Variants in NTN1 observed in about 807,000 individuals in gnomAD.
The protein encoded by NTN1 is netrin 1.
NTN1 carries 11 observed loss-of-function variants against 54.2 expected under a neutral mutation model. The ratio of observed to expected loss-of-function variants is 0.20; its 90% CI spans 0.13 to 0.34. NTN1 has a LOEUF of 0.34. Among genes scored for constraint, NTN1 ranks in the 10% least tolerant of loss-of-function variants. The probability of loss-of-function intolerance (pLI) is 1.00; values close to 1 mark genes in which losing one functional copy is unlikely to be tolerated. For synonymous variants in NTN1, 371 were observed against 382.0 expected, an observed-to-expected ratio of 0.97 and a Z score of 0.33; for missense variants, 740 against 893.1, an observed-to-expected ratio of 0.83 and a Z score of 2.18.
chr17:9,158,171 G>T (rs2092348524), intron 2 of NTN1, among the ~76,000 whole-genome samples: 1 of 152,334 alleles, frequency 6.6e-6, no homozygotes, highest in South Asian at 2.1e-4. Flanking sequence ...GGGGAGGGAA[G>T]GGAGCCCTGC....
At chr17:9,064,863 A>G (rs931015548) in intron 2 of NTN1, among the ~76,000 whole-genome samples, 1 of 152,122 alleles carries the variant, frequency 6.6e-6, no homozygotes, top group Non-Finnish European at 1.5e-5. Context: ...GGCTCAAGCA[A>G]TCCTCCCACC....
At chr17:9,238,705 A>G in intron 6 of NTN1, among the ~76,000 whole-genome samples, 1 of 152,248 alleles carries the variant, frequency 6.6e-6, no homozygotes, top group Non-Finnish European at 1.5e-5. Context: ...CTAGTATTTC[A>G]CAAACTTACT....
At chr17:9,205,513 G>A (rs894754768) in intron 5 of NTN1, among the ~76,000 whole-genome samples, 1 of 152,258 alleles carries the variant, frequency 6.6e-6, no homozygotes, top group African/African-American at 2.4e-5. Flanking sequence ...TGTAGTCCTA[G>A]CTACGTGGGA....
chr17:9,070,185 CTCTT>C (rs1479602646), intron 2 of NTN1, among the ~76,000 whole-genome samples: 3 of 152,260 alleles, frequency 2.0e-5, no homozygotes, highest in East Asian at 1.9e-4. Flanking sequence ...GACTCAGTTT[CTCTT>C]TCTGTCTATT....
At chr17:9,034,466 A>C (rs1220854482) in intron 2 of NTN1, among the ~76,000 whole-genome samples, 8 of 146,120 alleles carry the variant, frequency 5.5e-5, no homozygotes, top group Admixed American at 2.8e-4. Context: ...TCTGTCACCC[A>C]GGCTGGAGTG....
At chr17:9,183,233 C>G (rs777247970) in intron 5 of NTN1, 19 of 675,110 alleles carry the variant, frequency 2.8e-5, no homozygotes, top group South Asian at 6.0e-5. Flanking sequence ...TGAGCTCCTT[C>G]TACTTGTCCA....
intron 6 of NTN1, among the ~76,000 whole-genome samples, chr17:9,222,395 C>T (rs904535976): frequency 6.6e-6 from 1 of 152,250 alleles, no homozygotes; most frequent in Non-Finnish European, 1.5e-5. Context: ...GCTCAGCTTC[C>T]CAAGGCTGTC....
chr17:9,144,511 C>A (rs1351648722), intron 2 of NTN1, among the ~76,000 whole-genome samples: 1 of 152,192 alleles, frequency 6.6e-6, no homozygotes, highest in East Asian at 1.9e-4. Flanking sequence ...CCCTTTGTCA[C>A]CTCCAAGTTG....
chr17:9,152,866 G>A (rs910540514), intron 2 of NTN1, among the ~76,000 whole-genome samples: 61 of 152,308 alleles, frequency 4.0e-4, no homozygotes, highest in African/African-American at 1.3e-3. Flanking sequence ...GGGGAGTCGC[G>A]GAGCCGGAGC....
chr17:9,209,245 G>T (rs1905039770), intron 5 of NTN1, among the ~76,000 whole-genome samples: 1 of 152,232 alleles, frequency 6.6e-6, no homozygotes, highest in Admixed American at 6.5e-5. Context: ...GGTTGGATGT[G>T]AACCCTTTCC....
the NTN1 span, among the ~76,000 whole-genome samples, chr17:9,010,331 T>C: frequency 6.6e-6 from 1 of 152,236 alleles, no homozygotes; most frequent in African/African-American, 2.4e-5. Flanking sequence ...ATCTGGGTTG[T>C]AACGGGTGCT....
chr17:9,020,064 C>T (rs1443637132), upstream of NTN1, among the ~76,000 whole-genome samples: 4 of 152,182 alleles, frequency 2.6e-5, no homozygotes, highest in East Asian at 1.9e-4. Context: ...CTTGGGTGGC[C>T]GTCTCTCTGG....
the NTN1 span, among the ~76,000 whole-genome samples, chr17:9,010,526 A>C: frequency 2.0e-5 from 3 of 152,224 alleles, no homozygotes; most frequent in East Asian, 5.8e-4. Flanking sequence ...CCAGCGTGTT[A>C]GTGGTCTCTC....
At chr17:9,020,879 A>G (rs2091843798), upstream of NTN1, among the ~76,000 whole-genome samples, 1 of 152,212 alleles carries the variant, frequency 6.6e-6, no homozygotes, top group Admixed American at 6.5e-5. Context: ...AGACAGGCTC[A>G]CGCACGGTGA....
intron 2 of NTN1, among the ~76,000 whole-genome samples, chr17:9,028,262 C>T (rs376997310): frequency 5.3e-5 from 8 of 152,166 alleles, no homozygotes; most frequent in African/African-American, 9.7e-5. Context: ...TGGTATGTCC[C>T]GGCCACTGGT....
In NTN1 at chr17:9,242,112, G is replaced by A. The variant is rs1906234226; in HGVS notation, c.*2144G>A. 1 of 152,700 alleles carries A rather than the reference G, an allele frequency of 6.5e-6. No individual in the cohort carries two copies. Among genetic ancestry groups the A allele is most frequent in the Admixed American group, 6.5e-5 (1 of 15,292 alleles). The allele number at this position is 152,700 out of a possible 1,614,324, so 9.5% of individuals were successfully genotyped here. ...ACGGACTTGCCAGATGGCAGCTCCA[G>A]GTTCCAGGAAGGCAGGCCTTGGATG... On this transcript the variant is annotated 3_prime_UTR_variant, in exon 7 of 7. Transcript: ENST00000173229.
chr17:9,190,893 A>G (rs1044015176), intron 5 of NTN1, among the ~76,000 whole-genome samples: 3 of 152,194 alleles, frequency 2.0e-5, no homozygotes, highest in Non-Finnish European at 4.4e-5. Context: ...TGTAAACATA[A>G]GAACTTAGCA....
In NTN1 at chr17:9,179,938, C is replaced by T. The variant is rs1022072462; in HGVS notation, c.1339C>T (p.Pro447Ser). The T allele has an allele frequency of 1.2e-6, 2 of 1,613,658 alleles. No homozygotes were observed. Among genetic ancestry groups the T allele is most frequent in the African/African-American group, 1.3e-5 (1 of 75,054 alleles). ...CAKGYQQSRSPIAPCIKIPVA... is the reference protein window; with the variant it reads ...CAKGYQQSRSSIAPCIKIPVA... ...CAAAGGCTACCAGCAGAGCCGCTCT[C>T]CCATCGCCCCCTGCATAAGTATGTG... is the stretch of plus-strand genomic sequence containing the variant. The change falls in exon 4 of 7, where the codon CCC (proline) becomes TCC (serine). Residue 447 changes from proline (P) to serine (S), a missense_variant. Transcript: ENST00000173229.
chr17:9,206,428 C>G (rs1265013937), intron 5 of NTN1, among the ~76,000 whole-genome samples: 1 of 152,200 alleles, frequency 6.6e-6, no homozygotes, highest in African/African-American at 2.4e-5. Context: ...CAACCTCTCC[C>G]AGCCCGGCCA....
Sources: allele counts gnomAD v4.1 joint callset (sites outside exome capture counted in the v4.1 genomes callset), GRCh38; gene constraint gnomAD v4.1.1; transcripts MANE v1.5; gene names NCBI Gene and HGNC (gene_info 2026-07-23, HGNC 2026-07-21).